Variants in PPAT observed in about 807,000 individuals in gnomAD.
PPAT encodes the protein phosphoribosyl pyrophosphate amidotransferase.
A neutral mutation model predicts 60.2 loss-of-function variants in PPAT; 20 were observed. The ratio of observed to expected loss-of-function variants is 0.33; its 90% CI spans 0.23 to 0.48. The LOEUF is 0.48. Ranked by LOEUF, PPAT falls within the 20% of genes least tolerant of loss-of-function variation. PPAT has a pLI of 0.99. For synonymous variants in PPAT, 194 were observed against 215.1 expected (o/e 0.90, Z 0.86); for missense variants, 349 against 629.6 (o/e 0.55, Z 4.77).
Position 56,399,272 on chromosome 4 carries a change from T to C in PPAT, c.1143A>G (p.Lys381=), listed in dbSNP as rs114731967. The part of the protein sequence containing the change: ...KKFGVLSDNF[K]GKRIVLVDDS... ...CATCTACAAGAACAATTCTTTTGCC[T>C]TTAAAGTTGTCTGACAATACTCCAA... is the stretch of plus-strand genomic sequence containing the variant. The change falls in exon 9 of 11, where the codon AAA becomes AAG. Residue 381 remains lysine (K), a synonymous_variant. Transcript: ENST00000264220. The C allele has an allele frequency of 2.4e-3, 3,886 of 1,614,026 alleles. 18 individuals are homozygous for C. The highest frequency in any genetic ancestry group is 1.9e-3 in the Non-Finnish European group (2,258 of 1,179,914).
At chr4:56,427,922 C>T (rs1206055655) in intron 1 of PPAT, among the ~76,000 whole-genome samples, 1 of 152,098 alleles carries the variant, frequency 6.6e-6, no homozygotes, top group Non-Finnish European at 1.5e-5. Flanking sequence ...GTAGAGAATA[C>T]AGTAGAGAAA....
At chr4:56,431,822 C>G (rs571869586) in intron 1 of PPAT, among the ~76,000 whole-genome samples, 2 of 152,246 alleles carry the variant, frequency 1.3e-5, no homozygotes, top group African/African-American at 4.8e-5. Flanking sequence ...CTGGTTTGTT[C>G]AGAACTCCGC....
intron 1 of PPAT, among the ~76,000 whole-genome samples, chr4:56,427,249 CG>C (rs1717337190): frequency 6.6e-6 from 1 of 152,236 alleles, no homozygotes; most frequent in African/African-American, 2.4e-5. Context: ...TACCCAGAAG[CG>C]AAATTGTTGA....
At position 56,400,910 on chromosome 4, in the gene PPAT, G is replaced by A; in HGVS notation, c.888C>T (p.Asp296=). The A allele has an allele frequency of 6.2e-7, 1 of 1,610,676 alleles. No homozygotes were observed. The highest frequency in any genetic ancestry group is 1.3e-5 in the African/African-American group (1 of 74,912). The part of the protein sequence containing the change: ...YFARPDSMFE[D]QMVYTVRYRC... ...GGTATCTTACTGTATAAACCATTTG[G>A]TCTGGTGTGTTTGGAAAAGGAGAGA... Residue 296 remains aspartate (D), a splice_region_variant and synonymous_variant, in exon 8 of 11, where the codon GAC becomes GAT. Coordinates refer to ENST00000264220, the MANE Select transcript of PPAT (RefSeq NM_002703.5).
chr4:56,425,452 C>G (rs566466308), intron 1 of PPAT: 1 of 885,706 alleles, frequency 1.1e-6, no homozygotes, highest in African/African-American at 1.8e-5. Context: ...AAAGCTCAGA[C>G]ATAGGTATGC....
chr4:56,406,345 C>T, intron 3 of PPAT, 150 bp downstream of exon 3: 2 of 798,862 alleles, frequency 2.5e-6, no homozygotes, highest in Non-Finnish European at 4.0e-6. Context: ...GTAACAAGTA[C>T]TCCAGATCAT....
At chr4:56,395,923 T>C (rs1277072373) in intron 10 of PPAT, among the ~76,000 whole-genome samples, 1 of 152,194 alleles carries the variant, frequency 6.6e-6, no homozygotes, top group Admixed American at 6.5e-5. Context: ...CTATATAAGA[T>C]GGTGGAAACA....
At chr4:56,401,780 A>G (rs1021492563) in intron 6 of PPAT, among the ~76,000 whole-genome samples, 8 of 152,166 alleles carry the variant, frequency 5.3e-5, no homozygotes, top group Non-Finnish European at 8.8e-5. Flanking sequence ...TTTTTCTGTC[A>G]TAACTATCTC....
intron 5 of PPAT, 35 bp downstream of exon 5, chr4:56,403,005 C>A: frequency 6.5e-7 from 1 of 1,543,492 alleles, no homozygotes; most frequent in South Asian, 1.2e-5. Flanking sequence ...AATGGAAAAA[C>A]ACTATGAAAT....
At chr4:56,404,195 A>C (rs79620439) in intron 3 of PPAT, 4,513 of 266,228 alleles carry the variant, frequency 0.017, 219 homozygotes, top group African/African-American at 0.091. Flanking sequence ...TCTGAAGGCA[A>C]GCAGACCTGA....
intron 6 of PPAT, 52 bp downstream of exon 6, chr4:56,402,057 A>T: frequency 7.1e-7 from 1 of 1,401,074 alleles, no homozygotes; most frequent in Non-Finnish European, 9.8e-7. Context: ...TGTCTAAAAA[A>T]AATTCTTTTC....
intron 9 of PPAT, among the ~76,000 whole-genome samples, chr4:56,397,285 C>G (rs144001099): frequency 9.2e-5 from 14 of 152,226 alleles, no homozygotes; most frequent in African/African-American, 2.9e-4. Flanking sequence ...GGGAGATATG[C>G]CATTTCCAGG....
intron 9 of PPAT, among the ~76,000 whole-genome samples, chr4:56,397,418 T>G (rs1308345876): frequency 3.9e-5 from 6 of 152,182 alleles, no homozygotes; most frequent in Non-Finnish European, 8.8e-5. Flanking sequence ...AACACAGGTA[T>G]AAAAAAGGCT....
intron 1 of PPAT, among the ~76,000 whole-genome samples, chr4:56,419,448 T>C (rs1716930019): frequency 6.6e-6 from 1 of 152,198 alleles, no homozygotes; most frequent in Admixed American, 6.5e-5. Flanking sequence ...TGGACAGATT[T>C]AGGTTCTGTA....
intron 3 of PPAT, 35 bp from the exon 4 acceptor site, chr4:56,403,436 G>A (rs1716168422): frequency 1.3e-6 from 2 of 1,524,146 alleles, no homozygotes; most frequent in Non-Finnish European, 1.8e-6. Flanking sequence ...AATCATCAGA[G>A]GGGAAGCTCC....
intron 1 of PPAT, among the ~76,000 whole-genome samples, chr4:56,424,567 T>C (rs951891729): frequency 2.0e-5 from 3 of 152,200 alleles, no homozygotes; most frequent in African/African-American, 7.2e-5. Flanking sequence ...CTATTCCTAT[T>C]ATGTTAAGTA....
intron 1 of PPAT, among the ~76,000 whole-genome samples, chr4:56,415,391 T>C (rs1716673760): frequency 6.6e-6 from 1 of 152,212 alleles, no homozygotes; most frequent in African/African-American, 2.4e-5. Flanking sequence ...CTGCATTCCT[T>C]TCTAAGATGT....
chr4:56,414,070 G>C (rs1716600702), intron 1 of PPAT, among the ~76,000 whole-genome samples: 1 of 152,108 alleles, frequency 6.6e-6, no homozygotes, highest in African/African-American at 2.4e-5. Flanking sequence ...TGGGGTCTTA[G>C]AAATTTGCAT....
chr4:56,418,211 G>A (rs954350580), intron 1 of PPAT, among the ~76,000 whole-genome samples: 2 of 152,152 alleles, frequency 1.3e-5, no homozygotes, highest in South Asian at 4.1e-4. Flanking sequence ...AGCTACTCTG[G>A]AGGTTCACTT....
Sources: allele counts gnomAD v4.1 joint callset (sites outside exome capture counted in the v4.1 genomes callset), GRCh38; gene constraint gnomAD v4.1.1; transcripts MANE v1.5; gene names NCBI Gene and HGNC (gene_info 2026-07-23, HGNC 2026-07-21).